The following MACROD2 variants were observed in gnomAD, a reference collection of about 807,000 sequenced individuals.
The protein encoded by MACROD2 is ADP-ribose glycohydrolase MACROD2.
Under a neutral mutation model 70.4 loss-of-function variants are expected in MACROD2, and 36 were observed. That is an observed-to-expected ratio of 0.51 (90% confidence interval 0.39 to 0.68). The LOEUF is 0.68. MACROD2 is among the 30% of genes least tolerant of loss of function. MACROD2 has a pLI of 0.00. For synonymous variants in MACROD2, 172 were observed against 178.8 expected (o/e 0.96, Z 0.30); for missense variants, 496 against 538.4 (o/e 0.92, Z 0.78).
chr20:15,869,471 G>A (rs1601024432), intron 9 of MACROD2, among the ~76,000 whole-genome samples: 6 of 151,584 alleles, frequency 4.0e-5, no homozygotes, highest in African/African-American at 1.4e-4. Flanking sequence ...GACATAAATA[G>A]TAAAATAATG....
intron 5 of MACROD2, among the ~76,000 whole-genome samples, chr20:15,134,719 G>A (rs6079672): frequency 0.59 from 89,481 of 151,568 alleles, 26,515 homozygotes; most frequent in East Asian, 0.61. Flanking sequence ...ACTAAAATCA[G>A]AGCAGAACTG....
intron 3 of MACROD2, among the ~76,000 whole-genome samples, chr20:14,340,566 G>A (rs888195049): frequency 2.6e-5 from 4 of 151,940 alleles, no homozygotes; most frequent in Admixed American, 2.6e-4. Context: ...AAGAGGAATA[G>A]AAGAGCATTT....
In MACROD2 at chr20:14,528,641, G is replaced by A. The variant is rs114273757; in HGVS notation, c.301+35133G>A. On this transcript the variant is annotated intron_variant, in intron 4 of 17. Coordinates refer to ENST00000684519, the MANE Select transcript of MACROD2 (RefSeq NM_001351661.2). Reference sequence around the variant, plus strand: ...GGCTGACTTTTCTTTTTCTCCTTGAGATGTCTTTTTTTCTTTTTGCGGGGG... The same window carrying A: ...GGCTGACTTTTCTTTTTCTCCTTGAAATGTCTTTTTTTCTTTTTGCGGGGG... 2.1e-3 allele frequency among the ~76,000 whole-genome samples: 319 copies of A among 152,018 alleles called. 1 individual carries two copies. Among genetic ancestry groups the A allele is most frequent in the African/African-American group, 7.2e-3 (299 of 41,466 alleles).
At chr20:15,539,420 G>A (rs937728833) in intron 8 of MACROD2, among the ~76,000 whole-genome samples, 1 of 152,176 alleles carries the variant, frequency 6.6e-6, no homozygotes, top group Admixed American at 6.5e-5. Context: ...CATGAAACGG[G>A]CCAAGAATGC....
chr20:14,425,038 A>G (rs972727465), intron 3 of MACROD2, among the ~76,000 whole-genome samples: 3 of 152,208 alleles, frequency 2.0e-5, no homozygotes, highest in Admixed American at 1.3e-4. Flanking sequence ...ACGCAAAACA[A>G]TATGATTCAC....
chr20:14,415,802 G>A (rs2083797548), intron 3 of MACROD2, among the ~76,000 whole-genome samples: 1 of 152,136 alleles, frequency 6.6e-6, no homozygotes, highest in South Asian at 2.1e-4. Context: ...TCCTTTCCTG[G>A]TAGTCTTAGG....
intron 9 of MACROD2, among the ~76,000 whole-genome samples, chr20:15,878,633 C>G (rs931469143): frequency 6.6e-6 from 1 of 152,044 alleles, no homozygotes; most frequent in African/African-American, 2.4e-5. Context: ...GAAGTCATTC[C>G]AAAACCCATA....
intron 7 of MACROD2, among the ~76,000 whole-genome samples, chr20:15,460,298 C>G (rs1387174402): frequency 6.6e-6 from 1 of 152,124 alleles, no homozygotes; most frequent in Non-Finnish European, 1.5e-5. Flanking sequence ...CTGCCAGGAC[C>G]AATTGGCAAC....
intron 5 of MACROD2, among the ~76,000 whole-genome samples, chr20:15,084,074 T>TTTTTTTTTTTTG (rs1555780894): frequency 8.5e-6 from 1 of 117,032 alleles, no homozygotes; most frequent in African/African-American, 2.8e-5. Context: ...TTTTTTTTGT[T>TTTTTTTTTTTTG]TTTTTTTTTT....
intron 3 of MACROD2, among the ~76,000 whole-genome samples, chr20:14,301,626 A>T (rs1000553097): frequency 6.6e-6 from 1 of 152,332 alleles, no homozygotes; most frequent in South Asian, 2.1e-4. Context: ...TGATCAAATA[A>T]TGACCTTCGT....
At chr20:14,983,697 T>G (rs1484616509) in intron 5 of MACROD2, among the ~76,000 whole-genome samples, 2 of 152,136 alleles carry the variant, frequency 1.3e-5, no homozygotes, top group Admixed American at 1.3e-4. Context: ...TAAACCCCTT[T>G]CTTTTGTAAA....
intron 6 of MACROD2, among the ~76,000 whole-genome samples, chr20:15,430,345 T>C (rs2046348942): frequency 6.6e-6 from 1 of 152,130 alleles, no homozygotes. Flanking sequence ...GTTCTATCTT[T>C]AGTTCTTTGA....
intron 3 of MACROD2, among the ~76,000 whole-genome samples, chr20:14,273,843 A>G (rs2082223229): frequency 6.6e-6 from 1 of 152,186 alleles, no homozygotes; most frequent in Admixed American, 6.5e-5. Context: ...AACACAAACT[A>G]CCATCAGAGA....
intron 15 of MACROD2, among the ~76,000 whole-genome samples, chr20:16,035,161 A>G (rs1266825015): frequency 1.6e-5 from 1 of 63,988 alleles, no homozygotes; most frequent in African/African-American, 7.0e-5. Context: ...AAAATATAAT[A>G]TAAAATATAA....
At chr20:15,177,124 C>T (rs1347313179) in intron 5 of MACROD2, among the ~76,000 whole-genome samples, 4 of 152,210 alleles carry the variant, frequency 2.6e-5, no homozygotes, top group Non-Finnish European at 5.9e-5. Flanking sequence ...GTGCCTGGCT[C>T]ACCTTTGGTA....
At chr20:14,601,387 G>C (rs1043974471) in intron 4 of MACROD2, among the ~76,000 whole-genome samples, 1 of 152,134 alleles carries the variant, frequency 6.6e-6, no homozygotes, top group Non-Finnish European at 1.5e-5. Flanking sequence ...GACAGGAGGC[G>C]GTGCTCAGGT....
chr20:15,168,879 T>TA (rs1259767754), intron 5 of MACROD2, among the ~76,000 whole-genome samples: 24 of 152,128 alleles, frequency 1.6e-4, no homozygotes, highest in African/African-American at 5.6e-4. Context: ...TTGAAAACAT[T>TA]ATGTTTTGTG....
At chr20:15,255,907 C>T (rs2077195391) in intron 6 of MACROD2, among the ~76,000 whole-genome samples, 1 of 152,074 alleles carries the variant, frequency 6.6e-6, no homozygotes, top group African/African-American at 2.4e-5. Context: ...AACAGAGATC[C>T]AGTAAAAGCT....
At chr20:14,527,619 C>A (rs2085250574) in intron 4 of MACROD2, among the ~76,000 whole-genome samples, 1 of 152,180 alleles carries the variant, frequency 6.6e-6, no homozygotes, top group Admixed American at 6.5e-5. Flanking sequence ...GGAATGAATA[C>A]TCTGGGGACA....
Sources: gnomAD v4.1 joint callset for allele counts (sites outside exome capture counted in the v4.1 genomes callset) on GRCh38, gnomAD v4.1.1 for gene constraint, MANE v1.5 for transcripts, NCBI Gene and HGNC (gene_info 2026-07-23, HGNC 2026-07-21) for gene names.